Variants in RBFOX1 observed in about 807,000 individuals in gnomAD.
RBFOX1 encodes RNA binding fox-1 homolog 1.
A neutral mutation model predicts 57.7 loss-of-function variants in RBFOX1; 8 were observed. That is an observed-to-expected ratio of 0.14 (90% CI 0.08 to 0.25). The LOEUF (loss-of-function observed/expected upper bound fraction) is 0.25. RBFOX1 is among the 10% of genes least tolerant of loss of function. RBFOX1 has a pLI of 1.00. For synonymous variants in RBFOX1, 326 were observed against 222.4 expected (o/e 1.47, Z -4.15); for missense variants, 611 against 548.5 (o/e 1.11, Z -1.14).
chr16:7,522,034 T>C (rs899265864), intron 5 of RBFOX1, among the ~76,000 whole-genome samples: 3 of 152,326 alleles, frequency 2.0e-5, no homozygotes, highest in East Asian at 3.9e-4. Context: ...TCCTGGCTTG[T>C]GTGGTGTTAT....
intron 4 of RBFOX1, among the ~76,000 whole-genome samples, chr16:7,300,087 A>T (rs1463936369): frequency 6.6e-6 from 1 of 152,134 alleles, no homozygotes; most frequent in Non-Finnish European, 1.5e-5. Context: ...GGTAGATTTC[A>T]CTGCCGTCTC....
chr16:6,919,786 T>TTG (rs59628761), intron 3 of RBFOX1, among the ~76,000 whole-genome samples: 1 of 146,438 alleles, frequency 6.8e-6, no homozygotes, highest in Admixed American at 6.8e-5. Context: ...TTTTTTTTTT[T>TTG]CATTATTATT....
chr16:5,570,495 C>G (rs1444466080), intron 2 of RBFOX1, among the ~76,000 whole-genome samples: 1 of 152,148 alleles, frequency 6.6e-6, no homozygotes, highest in Non-Finnish European at 1.5e-5. Context: ...GGGTGCTTAA[C>G]AGCTGGTCAG....
chr16:6,914,310 C>G (rs1264618459), intron 3 of RBFOX1, among the ~76,000 whole-genome samples: 1 of 152,090 alleles, frequency 6.6e-6, no homozygotes, highest in African/African-American at 2.4e-5. Context: ...TAGGAGGGAC[C>G]TTAGTGATAT....
chr16:7,000,320 G>C (rs149946818), intron 3 of RBFOX1, among the ~76,000 whole-genome samples: 2 of 151,952 alleles, frequency 1.3e-5, no homozygotes, highest in African/African-American at 2.4e-5. Context: ...TGATCGATAT[G>C]TCTCAAATTA....
chr16:7,354,809 G>T (rs188382309), intron 4 of RBFOX1, among the ~76,000 whole-genome samples: 1 of 152,118 alleles, frequency 6.6e-6, no homozygotes, highest in Non-Finnish European at 1.5e-5. Flanking sequence ...AGCTACATGT[G>T]GTTTGTGTTG....
chr16:6,510,001 C>T (rs945744955), intron 2 of RBFOX1, among the ~76,000 whole-genome samples: 25 of 152,134 alleles, frequency 1.6e-4, no homozygotes, highest in Admixed American at 1.4e-3. Context: ...TGGCCACATG[C>T]GATTCAGGGC....
At chr16:5,515,930 T>G (rs924329991) in intron 2 of RBFOX1, among the ~76,000 whole-genome samples, 1 of 152,192 alleles carries the variant, frequency 6.6e-6, no homozygotes, top group African/African-American at 2.4e-5. Flanking sequence ...ATTTTCATTT[T>G]GTAAATGAAG....
At chr16:6,417,252 C>T (rs960242265) in intron 2 of RBFOX1, among the ~76,000 whole-genome samples, 5 of 151,414 alleles carry the variant, frequency 3.3e-5, no homozygotes, top group African/African-American at 1.2e-4. Context: ...CCTCATGATC[C>T]ACCCACCTTG....
At chr16:7,156,026 C>G (rs971122902) in intron 4 of RBFOX1, among the ~76,000 whole-genome samples, 1 of 151,850 alleles carries the variant, frequency 6.6e-6, no homozygotes, top group African/African-American at 2.4e-5. Flanking sequence ...CACACATACA[C>G]ACACGCACAC....
At chr16:5,893,973 T>G (rs1444349215) in intron 4 of RBFOX1, among the ~76,000 whole-genome samples, 2 of 152,058 alleles carry the variant, frequency 1.3e-5, no homozygotes, top group Admixed American at 6.6e-5. Context: ...AAATGTGGAA[T>G]TGAAGATGAG....
intron 3 of RBFOX1, among the ~76,000 whole-genome samples, chr16:6,721,463 C>T (rs1041777539): frequency 2.0e-5 from 3 of 152,042 alleles, no homozygotes; most frequent in Non-Finnish European, 2.9e-5. Flanking sequence ...ACAACAAAAC[C>T]GTGTTAACCA....
intron 3 of RBFOX1, among the ~76,000 whole-genome samples, chr16:5,671,356 A>T (rs954790258): frequency 2.0e-5 from 3 of 152,156 alleles, no homozygotes; most frequent in Non-Finnish European, 4.4e-5. Context: ...TCAGAGAGGG[A>T]TGCTCCATTA....
chr16:7,183,801 G>T (rs1051475304), intron 4 of RBFOX1, among the ~76,000 whole-genome samples: 1 of 152,152 alleles, frequency 6.6e-6, no homozygotes, highest in Non-Finnish European at 1.5e-5. Context: ...GTTCAGCAAG[G>T]AGCTATTTAA....
intron 3 of RBFOX1, among the ~76,000 whole-genome samples, chr16:5,792,119 A>G (rs2054722832): frequency 6.6e-6 from 1 of 152,226 alleles, no homozygotes; most frequent in Non-Finnish European, 1.5e-5. Context: ...TATCGTGGAT[A>G]AGTGATTTTA....
At chr16:6,257,780 T>C (rs1176519077) in intron 1 of RBFOX1, among the ~76,000 whole-genome samples, 1 of 152,198 alleles carries the variant, frequency 6.6e-6, no homozygotes, top group Non-Finnish European at 1.5e-5. Context: ...CTGCATAGTA[T>C]TCCATAATGG....
chr16:7,455,079 C>A (rs983634057), intron 4 of RBFOX1, among the ~76,000 whole-genome samples: 4 of 152,182 alleles, frequency 2.6e-5, no homozygotes, highest in Non-Finnish European at 5.9e-5. Context: ...ACAACGGATT[C>A]GATAGCAAAC....
chr16:6,623,947 G>A (rs1490248671), intron 2 of RBFOX1, among the ~76,000 whole-genome samples: 1 of 152,020 alleles, frequency 6.6e-6, no homozygotes, highest in East Asian at 1.9e-4. Context: ...TAATCCTTTG[G>A]GTATATACCC....
At chr16:7,066,288 C>A (rs536393278) in intron 4 of RBFOX1, among the ~76,000 whole-genome samples, 81 of 152,158 alleles carry the variant, frequency 5.3e-4, no homozygotes, top group Non-Finnish European at 1.1e-3. Flanking sequence ...TGGTACGTTA[C>A]CTTGATGTCT....
Sources: allele counts gnomAD v4.1 joint callset (sites outside exome capture counted in the v4.1 genomes callset), GRCh38; gene constraint gnomAD v4.1.1; transcripts MANE v1.5; gene names NCBI Gene and HGNC (gene_info 2026-07-23, HGNC 2026-07-21).